GALNT18: variants seen among roughly 807,000 people sequenced by gnomAD.
GALNT18 encodes the protein polypeptide N-acetylgalactosaminyltransferase 18.
In GALNT18, 44 loss-of-function variants were observed where a neutral mutation model predicts 69.5. The ratio of observed to expected loss-of-function variants is 0.63; its 90% CI spans 0.50 to 0.81. The LOEUF is 0.81. Ranked by LOEUF, GALNT18 falls within the 40% of genes least tolerant of loss-of-function variation. The pLI, the probability that GALNT18 is intolerant of heterozygous loss-of-function variation, is 0.00. For missense variants in GALNT18, 715 were observed against 810.0 expected (o/e 0.88, Z 1.42); for synonymous variants, 364 against 318.2 (o/e 1.14, Z -1.53).
chr11:11,552,454 C>T (rs763074505), intron 1 of GALNT18, among the ~76,000 whole-genome samples: 7 of 152,210 alleles, frequency 4.6e-5, no homozygotes, highest in Admixed American at 1.3e-4. Context: ...CCTCCCAGCA[C>T]GGGGCCTGGG....
In GALNT18 at chr11:11,314,482, A is replaced by G. The variant is rs1350102482; in HGVS notation, c.1512+12604T>C. Among the ~76,000 whole-genome samples the G allele has an allele frequency of 6.6e-6, 1 of 152,112 alleles. No homozygotes were observed. The highest frequency in any genetic ancestry group is 1.9e-4 in the East Asian group (1 of 5,190). On this transcript the variant is annotated intron_variant, in intron 9 of 10. Coordinates refer to ENST00000227756, the MANE Select transcript of GALNT18 (RefSeq NM_198516.3). The surrounding 1 kb of genome is among the most constrained non-coding windows in gnomAD (Gnocchi z 5.2). ...CTGCAGCACTAACATCTGTGTGCCTATAACATCCGTTGGCTCCCTCCCTGT... is the reference window on the plus strand; with the variant it reads ...CTGCAGCACTAACATCTGTGTGCCTGTAACATCCGTTGGCTCCCTCCCTGT...
intron 10 of GALNT18, among the ~76,000 whole-genome samples, chr11:11,288,435 C>T (rs372832128): frequency 2.0e-5 from 3 of 152,194 alleles, no homozygotes; most frequent in Non-Finnish European, 2.9e-5. Context: ...CTGAGTTCTG[C>T]AGACCAAGTC....
chr11:11,297,487 C>T (rs2133011837), intron 9 of GALNT18, among the ~76,000 whole-genome samples: 1 of 152,232 alleles, frequency 6.6e-6, no homozygotes, highest in East Asian at 1.9e-4. Flanking sequence ...TATGTGCGAC[C>T]ACTCACCTCC....
intron 10 of GALNT18, among the ~76,000 whole-genome samples, chr11:11,277,914 C>T (rs1848984089): frequency 6.6e-6 from 1 of 152,142 alleles, no homozygotes; most frequent in Admixed American, 6.5e-5. Context: ...GAGTGTTTTA[C>T]TTCCAATTAT....
Position 11,372,430 on chromosome 11 carries a change from A to G in GALNT18, c.1092+85T>C. 9.7e-7 allele frequency: 1 copy of G among 1,032,212 alleles called. No individual in the cohort carries two copies. 63.9% of individuals were successfully genotyped at this position (1,032,212 alleles called of 1,614,324 possible). A position where few individuals can be genotyped will look rare whatever the true frequency, so the allele number is the denominator to read the frequency against. ...ATTCAGAATCAGTCTGTGACCCTCA[A>G]CCTTAAACCCCATTTCTCCACCCCC... On this transcript the variant is annotated intron_variant, in intron 6 of 10. Coordinates refer to ENST00000227756, the MANE Select transcript of GALNT18 (RefSeq NM_198516.3). This position sits in a 1 kb window ranked among gnomAD's most constrained non-coding sequence, Gnocchi z 4.9.
intron 9 of GALNT18, among the ~76,000 whole-genome samples, chr11:11,324,017 G>T (rs895834356): frequency 2.6e-5 from 4 of 152,138 alleles, no homozygotes; most frequent in African/African-American, 7.2e-5. Flanking sequence ...ATCCTTATAA[G>T]AATAGACACC....
In GALNT18 at chr11:11,289,894, CAAACTGTA is replaced by C. The variant is rs147518197; in HGVS notation, c.1677+3127_1677+3134del. Among the ~76,000 whole-genome samples the C allele has an allele frequency of 2.6e-3, 401 of 152,326 alleles. 3 individuals are homozygous for C. The highest frequency in any genetic ancestry group is 9.2e-3 in the African/African-American group (384 of 41,560). ...GGTGGGCTTGCTGTGCTATTAACCTCAAACTGTATAAGGCTGAACACAGAAAGGCTGAG... is the reference window on the plus strand; with the variant it reads ...GGTGGGCTTGCTGTGCTATTAACCTCTAAGGCTGAACACAGAAAGGCTGAG... On this transcript the variant is annotated intron_variant, in intron 10 of 10. Coordinates refer to ENST00000227756, the MANE Select transcript of GALNT18 (RefSeq NM_198516.3).
chr11:11,495,409 G>GACTT (rs1856849183), intron 1 of GALNT18, among the ~76,000 whole-genome samples: 1 of 152,184 alleles, frequency 6.6e-6, no homozygotes, highest in South Asian at 2.1e-4. Flanking sequence ...AGAAAGGGAT[G>GACTT]ACTTGTAGGA....
chr11:11,426,238 C>T (rs1303017472), intron 3 of GALNT18, among the ~76,000 whole-genome samples: 1 of 152,322 alleles, frequency 6.6e-6, no homozygotes, highest in East Asian at 1.9e-4. Context: ...GCACTCCACC[C>T]CACATTCATG....
chr11:11,367,540 C>A (rs182890771), intron 6 of GALNT18, among the ~76,000 whole-genome samples: 1 of 152,196 alleles, frequency 6.6e-6, no homozygotes, highest in African/African-American at 2.4e-5. Flanking sequence ...ACAGTTGGGG[C>A]AAGATGGAGA....
In GALNT18 at chr11:11,413,707, C is replaced by T. The variant is rs1413655973; in HGVS notation, c.595+18914G>A. On this transcript the variant is annotated intron_variant, in intron 3 of 10. Transcript: ENST00000227756. This position sits in a 1 kb window ranked among gnomAD's most constrained non-coding sequence, Gnocchi z 4.7. ...AGTTGACTACTCCAGGGGTCCAGGC[C>T]CTGGTTCTTTGAAGCCTTGCTGTGT... 6.6e-6 allele frequency among the ~76,000 whole-genome samples: 1 copy of T among 152,108 alleles called. No individual in the cohort carries two copies. The highest frequency in any genetic ancestry group is 1.5e-5 in the Non-Finnish European group (1 of 68,016).
chr11:11,401,071 C>T (rs1854455523), intron 3 of GALNT18, among the ~76,000 whole-genome samples: 1 of 152,108 alleles, frequency 6.6e-6, no homozygotes, highest in Non-Finnish European at 1.5e-5. Context: ...CAGGGGAAGA[C>T]TGGATTCCAA....
chr11:11,398,493 C>A (rs781423587), intron 3 of GALNT18, among the ~76,000 whole-genome samples: 1 of 152,186 alleles, frequency 6.6e-6, no homozygotes, highest in Non-Finnish European at 1.5e-5. Flanking sequence ...AAACCAAATT[C>A]AGAGGCTTTA....
chr11:11,316,902 T>G (rs1354244778), intron 9 of GALNT18, among the ~76,000 whole-genome samples: 1 of 152,216 alleles, frequency 6.6e-6, no homozygotes, highest in East Asian at 1.9e-4. Flanking sequence ...TGGGCAAAGC[T>G]GCCTTTTTGT....
intron 10 of GALNT18, among the ~76,000 whole-genome samples, chr11:11,277,099 T>G (rs927629589): frequency 3.3e-5 from 5 of 152,310 alleles, no homozygotes; most frequent in African/African-American, 9.6e-5. Flanking sequence ...CCAGCAACTC[T>G]TTGTGCCTCT....
chr11:11,470,110 T>C lies in GALNT18; in HGVS notation c.236-21174A>G, dbSNP rs1165948501. ...ATTGACAGGGACACTTGGATGAGGA[T>C]GGTTTTGAAGCTGTGACCAAGATGT... On this transcript the variant is annotated intron_variant, in intron 1 of 10. Transcript: ENST00000227756. This position sits in a 1 kb window ranked among gnomAD's most constrained non-coding sequence, Gnocchi z 4.8. 1.3e-5 allele frequency among the ~76,000 whole-genome samples: 2 copies of C among 152,168 alleles called. No individual in the cohort carries two copies. Among genetic ancestry groups the C allele is most frequent in the Non-Finnish European group, 2.9e-5 (2 of 68,032 alleles).
intron 1 of GALNT18, among the ~76,000 whole-genome samples, chr11:11,525,549 G>T (rs1857499381): frequency 6.6e-6 from 1 of 151,796 alleles, no homozygotes; most frequent in Non-Finnish European, 1.5e-5. Flanking sequence ...TCTAAATGGA[G>T]AATGGAGTCA....
intron 3 of GALNT18, among the ~76,000 whole-genome samples, chr11:11,390,618 G>T (rs1043387476): frequency 2.0e-5 from 3 of 152,168 alleles, no homozygotes; most frequent in African/African-American, 7.2e-5. Context: ...AGACCCGGAG[G>T]GCTTCACACA....
intron 3 of GALNT18, among the ~76,000 whole-genome samples, chr11:11,379,859 G>A (rs911994896): frequency 6.6e-6 from 1 of 152,230 alleles, no homozygotes; most frequent in East Asian, 1.9e-4. Context: ...ACCTGGCTAA[G>A]CATTTGATGC....
Sources: allele counts gnomAD v4.1 joint callset (sites outside exome capture counted in the v4.1 genomes callset), GRCh38; gene constraint gnomAD v4.1.1; non-coding constraint Gnocchi (gnomAD v3.1); transcripts MANE v1.5; gene names NCBI Gene and HGNC (gene_info 2026-07-23, HGNC 2026-07-21).